The following PDZRN4 variants were observed in gnomAD, a reference collection of about 807,000 sequenced individuals.
PDZRN4 encodes the protein PDZ domain containing ring finger 4.
PDZRN4 carries 70 observed loss-of-function variants against 99.0 expected under a neutral mutation model. That is an observed-to-expected ratio of 0.71 (90% confidence interval 0.58 to 0.86). PDZRN4 has a LOEUF of 0.86. Among genes scored for constraint, PDZRN4 ranks in the 40% least tolerant of loss-of-function variants. PDZRN4 has a pLI of 0.00. For missense variants in PDZRN4, 1,474 were observed against 1,331.2 expected (o/e 1.11, Z -1.67); for synonymous variants, 551 against 501.6 (o/e 1.10, Z -1.32).
chr12:41,201,384 A>T (rs962079021), intron 3 of PDZRN4, among the ~76,000 whole-genome samples: 3 of 152,014 alleles, frequency 2.0e-5, no homozygotes, highest in African/African-American at 4.8e-5. Flanking sequence ...TTGTCAATAG[A>T]TCTTTATACC....
chr12:41,455,810 C>A (rs1952812987), intron 3 of PDZRN4, among the ~76,000 whole-genome samples: 1 of 152,092 alleles, frequency 6.6e-6, no homozygotes, highest in South Asian at 2.1e-4. Context: ...CAAGATTAAA[C>A]CCATCTTGGT....
At chr12:41,219,292 C>A (rs568805898) in intron 3 of PDZRN4, among the ~76,000 whole-genome samples, 1 of 152,072 alleles carries the variant, frequency 6.6e-6, no homozygotes, top group African/African-American at 2.4e-5. Flanking sequence ...GATCTCTGAC[C>A]TGAATTTTGA....
intron 9 of PDZRN4, among the ~76,000 whole-genome samples, chr12:41,570,170 T>C (rs1464211855): frequency 6.6e-6 from 1 of 152,126 alleles, no homozygotes. Flanking sequence ...TAGATTCTCA[T>C]TGTGTGGAAT....
intron 3 of PDZRN4, among the ~76,000 whole-genome samples, chr12:41,250,190 A>G (rs1279988540): frequency 1.3e-5 from 2 of 152,172 alleles, no homozygotes; most frequent in African/African-American, 4.8e-5. Flanking sequence ...TTTTTTTGTA[A>G]CTAGTCTGTA....
intron 7 of PDZRN4, among the ~76,000 whole-genome samples, chr12:41,561,508 T>G (rs1037756932): frequency 6.6e-6 from 1 of 150,532 alleles, no homozygotes; most frequent in Non-Finnish European, 1.5e-5. Context: ...TAGACTAACA[T>G]GAATAAGTAT....
intron 5 of PDZRN4, among the ~76,000 whole-genome samples, chr12:41,523,489 G>A (rs1270728811): frequency 1.3e-5 from 2 of 152,130 alleles, no homozygotes; most frequent in African/African-American, 4.8e-5. Flanking sequence ...GCCTTTAAGT[G>A]TTAGTTGGAG....
chr12:41,428,796 C>A (rs182013400), intron 3 of PDZRN4, among the ~76,000 whole-genome samples: 3 of 152,148 alleles, frequency 2.0e-5, no homozygotes, highest in Admixed American at 1.3e-4. Flanking sequence ...CGCTCATGAG[C>A]GAATGCAAGA....
At chr12:41,254,834 G>T (rs1350820841) in intron 3 of PDZRN4, among the ~76,000 whole-genome samples, 2 of 152,206 alleles carry the variant, frequency 1.3e-5, no homozygotes, top group Non-Finnish European at 2.9e-5. Flanking sequence ...GCTCATGCCT[G>T]TAATTCCAAC....
chr12:41,344,648 T>A (rs1432933572), intron 3 of PDZRN4, among the ~76,000 whole-genome samples: 4 of 151,492 alleles, frequency 2.6e-5, no homozygotes, highest in Non-Finnish European at 5.9e-5. Context: ...GGACCTACAT[T>A]GCGGTTGCAG....
chr12:41,303,355 G>A (rs758190935), intron 3 of PDZRN4, among the ~76,000 whole-genome samples: 5 of 152,132 alleles, frequency 3.3e-5, no homozygotes, highest in Non-Finnish European at 5.9e-5. Context: ...GCTAGCCTGT[G>A]GTTTGATCAC....
At chr12:41,190,728 A>T (rs894646476) in intron 1 of PDZRN4, among the ~76,000 whole-genome samples, 3 of 152,234 alleles carry the variant, frequency 2.0e-5, no homozygotes, top group Non-Finnish European at 2.9e-5. Context: ...AAGGTTAATA[A>T]CATCTACAAC....
At chr12:41,202,717 G>A (rs566646219) in intron 3 of PDZRN4, among the ~76,000 whole-genome samples, 53 of 152,180 alleles carry the variant, frequency 3.5e-4, no homozygotes, top group Non-Finnish European at 6.5e-4. Context: ...TATTCATTAT[G>A]TGGTTTCAAA....
rs527807162 is a variant in PDZRN4 at position 41,551,192 on chromosome 12, T to A, written c.1204-1464T>A. Reference sequence around the variant, plus strand: ...GGGCCTGTTCCTCATAGAGGTCACCTTCTCACTGTGTCTGTCCTTACATGG... The same window carrying A: ...GGGCCTGTTCCTCATAGAGGTCACCATCTCACTGTGTCTGTCCTTACATGG... On this transcript the variant is annotated intron_variant, in intron 5 of 9. Transcript: ENST00000402685. 1.3e-4 allele frequency among the ~76,000 whole-genome samples: 20 copies of A among 152,126 alleles called. 1 individual carries two copies. The highest frequency in any genetic ancestry group is 4.6e-4 in the African/African-American group (19 of 41,518).
At chr12:41,390,312 T>C (rs1266748317) in intron 3 of PDZRN4, among the ~76,000 whole-genome samples, 1 of 152,086 alleles carries the variant, frequency 6.6e-6, no homozygotes, top group Non-Finnish European at 1.5e-5. Context: ...AATTGTTTCT[T>C]CATTAAATGC....
At chr12:41,404,324 G>A (rs1017839739) in intron 3 of PDZRN4, among the ~76,000 whole-genome samples, 3 of 152,102 alleles carry the variant, frequency 2.0e-5, no homozygotes, top group African/African-American at 7.2e-5. Flanking sequence ...AGCCATTGGA[G>A]CACAGAGATA....
At chr12:41,462,246 A>C (rs1372970638) in intron 3 of PDZRN4, among the ~76,000 whole-genome samples, 1 of 152,192 alleles carries the variant, frequency 6.6e-6, no homozygotes, top group South Asian at 2.1e-4. Flanking sequence ...TACAAAATAG[A>C]TATGCAGTGT....
At chr12:41,463,826 C>G (rs1398252377) in intron 3 of PDZRN4, among the ~76,000 whole-genome samples, 1 of 152,152 alleles carries the variant, frequency 6.6e-6, no homozygotes, top group Non-Finnish European at 1.5e-5. Context: ...GATACGGCCT[C>G]TGATAAAATG....
At chr12:41,456,386 C>T (rs1318948220) in intron 3 of PDZRN4, among the ~76,000 whole-genome samples, 1 of 152,094 alleles carries the variant, frequency 6.6e-6, no homozygotes, top group Non-Finnish European at 1.5e-5. Context: ...TTTCACTGCC[C>T]TACCTCATCT....
At chr12:41,370,833 A>G (rs757140792) in intron 3 of PDZRN4, among the ~76,000 whole-genome samples, 2 of 151,890 alleles carry the variant, frequency 1.3e-5, no homozygotes, top group Non-Finnish European at 2.9e-5. Context: ...ATGTACTCAA[A>G]AAAATTTCAT....
Sources: allele counts gnomAD v4.1 joint callset (sites outside exome capture counted in the v4.1 genomes callset), GRCh38; gene constraint gnomAD v4.1.1; transcripts MANE v1.5; gene names NCBI Gene and HGNC (gene_info 2026-07-23, HGNC 2026-07-21).